Variants in DIPK1C observed in about 807,000 individuals in gnomAD.
The protein encoded by DIPK1C is familial non-conventional Alzheimer's dementia.
In DIPK1C, 33 loss-of-function variants were observed where a neutral mutation model predicts 28.0. The observed-to-expected ratio is 1.18, with a 90% CI of 0.89 to 1.58. DIPK1C has a LOEUF of 1.58. Ranked by LOEUF, DIPK1C falls within the 40% of genes most tolerant of loss-of-function variation. DIPK1C has a pLI of 0.00. For synonymous variants in DIPK1C, 255 were observed against 248.8 expected, an observed-to-expected ratio of 1.02 and a Z score of -0.23; for missense variants, 569 against 568.5, an observed-to-expected ratio of 1.00 and a Z score of -0.01.
Position 74,436,665 on chromosome 18 carries a change from C to G in DIPK1C, c.1096G>C (p.Ala366Pro), listed in dbSNP as rs1250203340. 6.2e-7 allele frequency: 1 copy of G among 1,613,910 alleles called. No homozygotes were observed. The highest frequency in any genetic ancestry group is 1.3e-5 in the African/African-American group (1 of 74,906). Residue 366 changes from alanine to proline, a missense_variant, in exon 4 of 4, where the codon GCG (alanine) becomes CCG (proline). Coordinates refer to ENST00000343998, the MANE Select transcript of DIPK1C (RefSeq NM_001044369.3). Reference sequence around the variant, plus strand: ...TGCAGCTGAAGCTGGAAAGAGACCGCAGAGCTCTTGAGAGGCGCGGAAAAC... The same window carrying G: ...TGCAGCTGAAGCTGGAAAGAGACCGGAGAGCTCTTGAGAGGCGCGGAAAAC... ...HWFSAPLKSS[A>P]VSFQLQLQLQ...
upstream of DIPK1C, among the ~76,000 whole-genome samples, chr18:74,462,484 A>G (rs1986631884): frequency 6.6e-6 from 1 of 152,192 alleles, no homozygotes; most frequent in East Asian, 1.9e-4. Context: ...TCCGCTCTTC[A>G]GTTGAAGGAC....
upstream of DIPK1C, among the ~76,000 whole-genome samples, chr18:74,461,245 G>T (rs994392107): frequency 6.6e-6 from 1 of 152,114 alleles, no homozygotes; most frequent in Non-Finnish European, 1.5e-5. Flanking sequence ...AACAGCTCTT[G>T]CCCCTCCAAC....
At chr18:74,463,599 C>T in the DIPK1C span, among the ~76,000 whole-genome samples, 32 of 152,116 alleles carry the variant, frequency 2.1e-4, no homozygotes, top group African/African-American at 7.5e-4. Flanking sequence ...CCCACGTACC[C>T]GGCACTGTCT....
intron 2 of DIPK1C, among the ~76,000 whole-genome samples, chr18:74,444,889 C>G (rs1986224553): frequency 6.6e-6 from 1 of 152,106 alleles, no homozygotes; most frequent in African/African-American, 2.4e-5. Flanking sequence ...TGATGGTGTG[C>G]AAGATACTGG....
chr18:74,446,449 G>A (rs1437724962), intron 2 of DIPK1C, among the ~76,000 whole-genome samples, 157 bp downstream of exon 2: 2 of 152,222 alleles, frequency 1.3e-5, no homozygotes, highest in Non-Finnish European at 2.9e-5. Context: ...CTAACACCCG[G>A]AAGGAAGTGT....
upstream of DIPK1C, among the ~76,000 whole-genome samples, chr18:74,459,892 G>A (rs559305746): frequency 5.3e-5 from 8 of 152,236 alleles, no homozygotes; most frequent in South Asian, 6.2e-4. Flanking sequence ...CATCTGCAGC[G>A]CCAGCCCAGG....
rs537006165 is a variant in DIPK1C, at chr18:74,447,882, CAT to C, written c.199-601_199-600del. On this transcript the variant is annotated intron_variant, in intron 1 of 3. Transcript: ENST00000343998. This position sits in a 1 kb window ranked among gnomAD's most constrained non-coding sequence, Gnocchi z 4.1. ...TTAGAGGAGAAGCCTCTAGAGGACA[CAT>C]GAGTGGGCACAGGGCTCATGGCTGG... Among the ~76,000 whole-genome samples, 201 of 152,306 alleles carry C rather than the reference CAT, an allele frequency of 1.3e-3. No individual in the cohort carries two copies. In the Middle Eastern group the frequency reaches 0.024, roughly 18 times the overall value.
chr18:74,448,070 G>A (rs1207269686), intron 1 of DIPK1C, among the ~76,000 whole-genome samples: 3 of 152,158 alleles, frequency 2.0e-5, no homozygotes, highest in Non-Finnish European at 4.4e-5. Context: ...TAGGGGACCT[G>A]GCGACCTTCC....
chr18:74,449,464 A>G (rs919717840), intron 1 of DIPK1C, among the ~76,000 whole-genome samples: 10 of 152,382 alleles, frequency 6.6e-5, no homozygotes, highest in African/African-American at 2.2e-4. Flanking sequence ...CCCAGTGCTT[A>G]AAAGAGGTAT....
At chr18:74,442,231 G>T in intron 2 of DIPK1C, 115 bp from the exon 3 acceptor site, 1 of 1,217,460 alleles carries the variant, frequency 8.2e-7, no homozygotes, top group Non-Finnish European at 1.1e-6. Context: ...GGTCACAGGT[G>T]ATCCCAGAAG....
upstream of DIPK1C, among the ~76,000 whole-genome samples, chr18:74,462,559 G>A (rs1431549183): frequency 6.6e-6 from 1 of 151,764 alleles, no homozygotes; most frequent in African/African-American, 2.4e-5. Context: ...TGTACACTGT[G>A]TACACAGTGA....
chr18:74,449,148 C>T (rs928503045), intron 1 of DIPK1C, among the ~76,000 whole-genome samples: 3 of 152,084 alleles, frequency 2.0e-5, no homozygotes, highest in Non-Finnish European at 2.9e-5. Flanking sequence ...CTGAAAACTA[C>T]GAGTTTTTCA....
At chr18:74,442,365 G>A (rs1442644478) in intron 2 of DIPK1C, among the ~76,000 whole-genome samples, 1 of 151,780 alleles carries the variant, frequency 6.6e-6, no homozygotes, top group Non-Finnish European at 1.5e-5. Flanking sequence ...GTCTCACTCT[G>A]TCACCCAGGC....
upstream of DIPK1C, among the ~76,000 whole-genome samples, chr18:74,459,836 T>C (rs1986591161): frequency 6.6e-6 from 1 of 152,138 alleles, no homozygotes; most frequent in Non-Finnish European, 1.5e-5. Flanking sequence ...CCCTCCTCCT[T>C]GCACAGAGCT....
Position 74,447,652 on chromosome 18 carries a change from A to G in DIPK1C, c.199-369T>C, listed in dbSNP as rs1018836943. Among the ~76,000 whole-genome samples the G allele has an allele frequency of 6.6e-6, 1 of 152,178 alleles. No individual in the cohort carries two copies. On this transcript the variant is annotated intron_variant, in intron 1 of 3. Coordinates refer to ENST00000343998, the MANE Select transcript of DIPK1C (RefSeq NM_001044369.3). The surrounding 1 kb of genome is among the most constrained non-coding windows in gnomAD (Gnocchi z 4.1). ...AGGCCAGTAGCTCTCGACTCTGCCT[A>G]CACTTCAGGGTCACTGGGAGAGCTT...
At chr18:74,452,403 T>A (rs1479964221) in intron 1 of DIPK1C, among the ~76,000 whole-genome samples, 1 of 150,938 alleles carries the variant, frequency 6.6e-6, no homozygotes, top group African/African-American at 2.4e-5. Context: ...TCCAGCCTTT[T>A]AAAAAAAAAC....
rs536474483 is a variant in DIPK1C at position 74,447,333 on chromosome 18, C to G, written c.199-50G>C. Reference sequence around the variant, plus strand: ...ACCATGGGGAGGGCCTGGTGCCATCCGTCTCTCGGCTCGGGTTAGGGAAGG... The same window carrying G: ...ACCATGGGGAGGGCCTGGTGCCATCGGTCTCTCGGCTCGGGTTAGGGAAGG... On this transcript the variant is annotated intron_variant, in intron 1 of 3. Transcript: ENST00000343998. This position sits in a 1 kb window ranked among gnomAD's most constrained non-coding sequence, Gnocchi z 4.1. 7.5e-6 allele frequency: 11 copies of G among 1,462,398 alleles called. No individual in the cohort carries two copies. In the South Asian group the frequency reaches 1.5e-4, roughly 20 times the overall value. The allele number at this position is 1,462,398 out of a possible 1,614,324, so 90.6% of individuals were successfully genotyped here.
chr18:74,461,088 AG>A (rs1426751122), upstream of DIPK1C, among the ~76,000 whole-genome samples: 2 of 152,220 alleles, frequency 1.3e-5, no homozygotes, highest in African/African-American at 4.8e-5. Flanking sequence ...GATCCCCAGA[AG>A]GACTCGGGTG....
At position 74,441,831 on chromosome 18, in the gene DIPK1C, G is replaced by A. The variant is rs543258590; in HGVS notation, c.1041+121C>T. On this transcript the variant is annotated intron_variant, in intron 3 of 3. Transcript: ENST00000343998. Reference sequence around the variant, plus strand: ...CCGTCCTGCCTTTATTGACCACATCGATCCAGATGGATGGCCTGAAAAGGT... The same window carrying A: ...CCGTCCTGCCTTTATTGACCACATCAATCCAGATGGATGGCCTGAAAAGGT... 8.8e-5 allele frequency: 97 copies of A among 1,105,036 alleles called. No homozygotes were observed. The Admixed American group carries it at 1.2e-3, about 14-fold the overall frequency. 68.5% of individuals were successfully genotyped at this position (1,105,036 alleles called of 1,614,324 possible).
Sources: allele counts gnomAD v4.1 joint callset (sites outside exome capture counted in the v4.1 genomes callset), GRCh38; gene constraint gnomAD v4.1.1; non-coding constraint Gnocchi (gnomAD v3.1); transcripts MANE v1.5; gene names NCBI Gene and HGNC (gene_info 2026-07-23, HGNC 2026-07-21).